The following GJA3 variants were observed in gnomAD, a reference collection of about 807,000 sequenced individuals.
The protein encoded by GJA3 is gap junction protein alpha 3.
For missense variants in GJA3, 571 were observed against 620.3 expected, an observed-to-expected ratio of 0.92 and a Z score of 0.84; for synonymous variants, 297 against 292.6, an observed-to-expected ratio of 1.02 and a Z score of -0.15.
rs778676782 is a variant in GJA3 at position 20,140,222 on chromosome 13, G to A, written c.*1759C>T. 33 of 152,118 alleles carry A rather than the reference G, an allele frequency of 2.2e-4. No individual in the cohort carries two copies. Among genetic ancestry groups the A allele is most frequent in the Admixed American group, 6.6e-4 (10 of 15,260 alleles). 9.4% of individuals were successfully genotyped at this position (152,118 alleles called of 1,614,324 possible). A position where few individuals can be genotyped will look rare whatever the true frequency, so the allele number is the denominator to read the frequency against. On this transcript the variant is annotated 3_prime_UTR_variant, in exon 2 of 2. Coordinates refer to ENST00000241125, the MANE Select transcript of GJA3 (RefSeq NM_021954.4). ...TGGTTGAGAAAGTCTCTGAGGAGAC[G>A]TATGGAAAAGTTAGCATTTTTCAAG...
chr13:20,145,747 C>A (rs992278677), intron 1 of GJA3, among the ~76,000 whole-genome samples: 6 of 152,220 alleles, frequency 3.9e-5, no homozygotes, highest in Non-Finnish European at 7.3e-5. Flanking sequence ...TGCTGACCTG[C>A]CCCTTGCCTA....
chr13:20,140,291 T>G lies in GJA3; in HGVS notation c.*1690A>C, dbSNP rs1050897388. ...GCATCCTACAGCAAGCAGAATGTACTAACAAATTCTTTGTGTTTGACTGAC... is the reference window on the plus strand; with the variant it reads ...GCATCCTACAGCAAGCAGAATGTACGAACAAATTCTTTGTGTTTGACTGAC... On this transcript the variant is annotated 3_prime_UTR_variant, in exon 2 of 2. Coordinates refer to ENST00000241125, the MANE Select transcript of GJA3 (RefSeq NM_021954.4). 3 of 152,184 alleles carry G rather than the reference T, an allele frequency of 2.0e-5. No individual in the cohort carries two copies. The highest frequency in any genetic ancestry group is 4.8e-5 in the African/African-American group (2 of 41,442). The allele number at this position is 152,184 out of a possible 1,614,324, so 9.4% of individuals were successfully genotyped here. A position where few individuals can be genotyped will look rare whatever the true frequency, so the allele number is the denominator to read the frequency against.
intron 1 of GJA3, among the ~76,000 whole-genome samples, chr13:20,151,102 G>T (rs1958874315): frequency 1.4e-5 from 2 of 145,428 alleles, no homozygotes; most frequent in Non-Finnish European, 3.0e-5. Flanking sequence ...AGGAAGGAGG[G>T]TGTTGGAGGG....
At chr13:20,143,421 T>G (rs1218854650) in intron 1 of GJA3, 116 bp from the exon 2 acceptor site, 2 of 644,442 alleles carry the variant, frequency 3.1e-6, no homozygotes, top group Non-Finnish European at 5.1e-6. Flanking sequence ...GGGCAGCTTC[T>G]CCACAGGACA....
chr13:20,148,666 T>C (rs957610458), intron 1 of GJA3, among the ~76,000 whole-genome samples: 1 of 152,056 alleles, frequency 6.6e-6, no homozygotes, highest in African/African-American at 2.4e-5. Context: ...AGGCAGAGGA[T>C]GAGAGAAGGT....
At position 20,142,463 on chromosome 13, in the gene GJA3, C is replaced by G; in HGVS notation, c.826G>C (p.Ala276Pro). The part of the protein sequence containing the change: ...IGFPPYYAHT[A>P]APLGQARAVG... Reference sequence around the variant, plus strand: ...GCGCGGGCCTGTCCCAGGGGCGCAGCGGTGTGCGCATAGTAGGGTGGGAAC... The same window carrying G: ...GCGCGGGCCTGTCCCAGGGGCGCAGGGGTGTGCGCATAGTAGGGTGGGAAC... The change falls in exon 2 of 2, where the codon GCT (alanine) becomes CCT (proline). Residue 276 changes from alanine to proline, a missense_variant. Transcript: ENST00000241125. 5 of 1,533,608 alleles carry G rather than the reference C, an allele frequency of 3.3e-6. No homozygotes were observed. Among genetic ancestry groups the G allele is most frequent in the Non-Finnish European group, 4.4e-6 (5 of 1,139,898 alleles).
intron 1 of GJA3, among the ~76,000 whole-genome samples, chr13:20,152,591 C>T (rs1958885059): frequency 6.6e-6 from 1 of 152,052 alleles, no homozygotes; most frequent in African/African-American, 2.4e-5. Flanking sequence ...TGGCTGTTGA[C>T]CAGGCTGGTC....
chr13:20,161,275 C>T (rs1212521388), upstream of GJA3, among the ~76,000 whole-genome samples: 1 of 152,194 alleles, frequency 6.6e-6, no homozygotes. Context: ...CCTGCGCGGG[C>T]CCTGGGGATG....
In GJA3 at chr13:20,143,327, G is replaced by C. The variant is rs1445611624; in HGVS notation, c.-17-22C>G. ...TAACCTGTAAGAGGAAAATGCTCAT[G>C]AACACCGGGCTGCAACGGCTGAGTG... On this transcript the variant is annotated intron_variant, in intron 1 of 1. Coordinates refer to ENST00000241125, the MANE Select transcript of GJA3 (RefSeq NM_021954.4). 20 of 1,481,112 alleles carry C rather than the reference G, an allele frequency of 1.4e-5. No homozygotes were observed. In the East Asian group the frequency reaches 4.3e-4, roughly 32 times the overall value. The allele number at this position is 1,481,112 out of a possible 1,614,324, so 91.7% of individuals were successfully genotyped here.
In GJA3 at chr13:20,142,508, G is replaced by T. The variant is rs762921448; in HGVS notation, c.781C>A (p.Pro261Thr). The change falls in exon 2 of 2, where the codon CCG becomes ACG. Residue 261 changes from proline (P) to threonine (T), a missense_variant. Coordinates refer to ENST00000241125, the MANE Select transcript of GJA3 (RefSeq NM_021954.4). ...GGGAACCCGATGGCAACGGCGGGCG[G>T]CCGGGAGCTGGGGGGCAGGGGCGGG... Reference protein sequence around the residue: ...DPPPLPPSSRPPAVAIGFPPY... With the variant: ...DPPPLPPSSRTPAVAIGFPPY... 13 of 1,552,980 alleles carry T rather than the reference G, an allele frequency of 8.4e-6. No individual in the cohort carries two copies. The highest frequency in any genetic ancestry group is 1.8e-4 in the Middle Eastern group (1 of 5,618).
chr13:20,142,320 C>A lies in GJA3; in HGVS notation c.969G>T (p.Met323Ile). Reference protein sequence around the residue: ...KLYNGHHHLLMTEQNWANQAA... With the variant: ...KLYNGHHHLLITEQNWANQAA... ...CCTGGTTGGCCCAGTTCTGCTCAGT[C>A]ATCAGCAGGTGGTGGTGGCCGTTGT... is the stretch of plus-strand genomic sequence containing the variant. Residue 323 changes from methionine to isoleucine, a missense_variant, in exon 2 of 2, where the codon ATG (methionine) becomes ATT (isoleucine). Met to Ile is a conservative substitution (Grantham distance 10). Transcript: ENST00000241125. 4 of 1,573,924 alleles carry A rather than the reference C, an allele frequency of 2.5e-6. No individual in the cohort carries two copies. Among genetic ancestry groups the A allele is most frequent in the Non-Finnish European group, 3.4e-6 (4 of 1,160,406 alleles).
chr13:20,152,505 C>T (rs1329272616), intron 1 of GJA3, among the ~76,000 whole-genome samples: 1 of 152,086 alleles, frequency 6.6e-6, no homozygotes, highest in Non-Finnish European at 1.5e-5. Context: ...GTGCCTCAGC[C>T]TCATGAGTAG....
chr13:20,143,382 G>A (rs1214338398), intron 1 of GJA3, 77 bp from the exon 2 acceptor site: 4 of 1,005,046 alleles, frequency 4.0e-6, no homozygotes, highest in Middle Eastern at 3.1e-4. Context: ...CGGCGGCAGC[G>A]GCCTGGATGG....
rs1172500719 is a variant in GJA3, at chr13:20,143,211, C to G, written c.78G>C (p.Leu26=). Residue 26 remains leucine (L), a synonymous_variant, in exon 2 of 2, where the codon CTG becomes CTC. Transcript: ENST00000241125. ...AGATGCGGAAGATGAACAGCACGGT[C>G]AGCCAAACCTTGCCGATGACCGTGG... ...EHSTVIGKVW[L]TVLFIFRILV... 1.9e-6 allele frequency: 3 copies of G among 1,578,754 alleles called. No individual in the cohort carries two copies. Among genetic ancestry groups the G allele is most frequent in the Non-Finnish European group, 1.7e-6 (2 of 1,160,444 alleles).
At chr13:20,161,128 G>C (rs2141148771), upstream of GJA3, 1 of 152,688 alleles carries the variant, frequency 6.5e-6, no homozygotes, top group African/African-American at 2.4e-5. Flanking sequence ...GCCCCGCCCC[G>C]CGCGCTTCCC....
rs752882313 is a variant in GJA3, at chr13:20,142,507, G to A, written c.782C>T (p.Pro261Leu). Residue 261 changes from proline to leucine, a missense_variant, in exon 2 of 2, where the codon CCG (proline) becomes CTG (leucine). By Grantham distance (98) the Pro-to-Leu change is moderately conservative (BLOSUM62 -3). Transcript: ENST00000241125. Reference protein sequence around the residue: ...DPPPLPPSSRPPAVAIGFPPY... With the variant: ...DPPPLPPSSRLPAVAIGFPPY... ...TGGGAACCCGATGGCAACGGCGGGC[G>A]GCCGGGAGCTGGGGGGCAGGGGCGG... 1 of 1,553,120 alleles carries A rather than the reference G, an allele frequency of 6.4e-7. No homozygotes were observed. Among genetic ancestry groups the A allele is most frequent in the Admixed American group, 1.9e-5 (1 of 51,484 alleles).
At chr13:20,160,341 G>GA (rs1958929869) in intron 1 of GJA3, among the ~76,000 whole-genome samples, 1 of 152,158 alleles carries the variant, frequency 6.6e-6, no homozygotes, top group Admixed American at 6.5e-5. Flanking sequence ...AAAAGTTTCT[G>GA]AAAAAAATGT....
In GJA3 at chr13:20,138,918, A is replaced by G. The variant is rs1016846328; in HGVS notation, c.*3063T>C. 6.6e-6 allele frequency: 1 copy of G among 152,214 alleles called. No individual in the cohort carries two copies. Among genetic ancestry groups the G allele is most frequent in the African/African-American group, 2.4e-5 (1 of 41,466 alleles). The allele number at this position is 152,214 out of a possible 1,614,324, so 9.4% of individuals were successfully genotyped here. A position where few individuals can be genotyped will look rare whatever the true frequency, so the allele number is the denominator to read the frequency against. ...TATTGGATTAATTTTTTGTAAAGTG[A>G]TGTTTAAATTATATTCATAGTTATT... On this transcript the variant is annotated 3_prime_UTR_variant, in exon 2 of 2. Coordinates refer to ENST00000241125, the MANE Select transcript of GJA3 (RefSeq NM_021954.4).
intron 1 of GJA3, among the ~76,000 whole-genome samples, chr13:20,159,650 G>A (rs1337538427): frequency 6.6e-6 from 1 of 152,052 alleles, no homozygotes. Context: ...ATTCTTTTAA[G>A]ACAGCTTTCA....
Sources: gnomAD v4.1 joint callset for allele counts (sites outside exome capture counted in the v4.1 genomes callset) on GRCh38, gnomAD v4.1.1 for gene constraint, MANE v1.5 for transcripts, NCBI Gene and HGNC (gene_info 2026-07-23, HGNC 2026-07-21) for gene names.